The following ZNF226 variants were observed in gnomAD, a reference collection of about 807,000 sequenced individuals.
ZNF226 encodes zinc finger protein 226, also known as Kruppel-associated box protein.
ZNF226 carries 6 observed loss-of-function variants against 11.4 expected under a neutral mutation model. The observed-to-expected ratio is 0.53, with a 90% CI of 0.29 to 1.04. ZNF226 has a LOEUF of 1.04. ZNF226 is among the 50% of genes least tolerant of loss of function. The probability of loss-of-function intolerance (pLI) is 0.08; values close to 1 mark genes in which losing one functional copy is unlikely to be tolerated. For synonymous variants in ZNF226, 350 were observed against 322.8 expected (o/e 1.08, Z -0.90); for missense variants, 1,058 against 956.5 (o/e 1.11, Z -1.40).
chr19:44,198,402 G>T, the ZNF226 span, among the ~76,000 whole-genome samples: 1 of 152,118 alleles, frequency 6.6e-6, no homozygotes, highest in Non-Finnish European at 1.5e-5. Flanking sequence ...TTACAACATT[G>T]AATTGTCCAG....
intron 4 of ZNF226, 64 bp from the exon 5 acceptor site, chr19:44,172,796 A>T: frequency 1.5e-6 from 2 of 1,372,224 alleles, no homozygotes; most frequent in Non-Finnish European, 2.0e-6. Flanking sequence ...GTTGCAACTC[A>T]GATTTCCAGT....
chr19:44,175,124 A>T, intron 5 of ZNF226: 1 of 1,550,178 alleles, frequency 6.5e-7, no homozygotes, highest in Middle Eastern at 2.0e-4. Flanking sequence ...TCCTTGAGTG[A>T]CTATGAATGA....
chr19:44,197,928 C>T, the ZNF226 span, among the ~76,000 whole-genome samples: 1 of 152,030 alleles, frequency 6.6e-6, no homozygotes, highest in Non-Finnish European at 1.5e-5. Flanking sequence ...TAGAGAAGGT[C>T]ACAAAGATAT....
At chr19:44,180,525 G>A (rs1970891574), downstream of ZNF226, among the ~76,000 whole-genome samples, 1 of 152,174 alleles carries the variant, frequency 6.6e-6, no homozygotes, top group Non-Finnish European at 1.5e-5. Flanking sequence ...CCAACTCTCA[G>A]TAGCTTAGTG....
the ZNF226 span, among the ~76,000 whole-genome samples, chr19:44,193,580 T>C: frequency 6.6e-6 from 1 of 152,200 alleles, no homozygotes; most frequent in Non-Finnish European, 1.5e-5. Flanking sequence ...AAATGAGTTG[T>C]TTTAATTAAC....
chr19:44,185,485 T>C, the ZNF226 span, among the ~76,000 whole-genome samples: 7 of 152,218 alleles, frequency 4.6e-5, no homozygotes, highest in Admixed American at 4.6e-4. Context: ...TTGATTTGCA[T>C]TTTCTAAAAG....
chr19:44,179,431 G>A (rs1186638736), downstream of ZNF226, among the ~76,000 whole-genome samples: 2 of 152,030 alleles, frequency 1.3e-5, no homozygotes, highest in African/African-American at 4.8e-5. Context: ...AAGAAATCTT[G>A]TGTCATCATA....
rs777669586 is a variant in ZNF226 at position 44,177,520 on chromosome 19, A to G, written c.2258A>G (p.Lys753Arg). 2 of 1,614,170 alleles carry G rather than the reference A, an allele frequency of 1.2e-6. No homozygotes were observed. The highest frequency in any genetic ancestry group is 2.2e-5 in the South Asian group (2 of 91,086). Residue 753 changes from lysine to arginine, a missense_variant, in exon 6 of 6, where the codon AAA becomes AGA. By Grantham distance (26) the Lys-to-Arg change is conservative (BLOSUM62 2). Coordinates refer to ENST00000337433, the MANE Select transcript of ZNF226 (RefSeq NM_001032373.2). ...QSHQRVHTGE[K>R]PYKCEICGKS... Reference sequence around the variant, plus strand: ...CATCAGCGAGTTCACACTGGGGAGAAACCTTATAAATGTGAGATATGTGGT... The same window carrying G: ...CATCAGCGAGTTCACACTGGGGAGAGACCTTATAAATGTGAGATATGTGGT...
At chr19:44,175,362 A>C in intron 5 of ZNF226, 136 bp from the exon 6 acceptor site, 1 of 1,424,396 alleles carries the variant, frequency 7.0e-7, no homozygotes. Context: ...TGTAAACCAG[A>C]AACTTCAAAT....
the ZNF226 span, among the ~76,000 whole-genome samples, chr19:44,194,658 A>C: frequency 6.6e-6 from 1 of 152,192 alleles, no homozygotes; most frequent in African/African-American, 2.4e-5. Flanking sequence ...AAAAAATGTG[A>C]GTTAACTACT....
At chr19:44,165,850 C>A (rs1969305819) in intron 2 of ZNF226, 43 bp downstream of exon 2, 1 of 152,206 alleles carries the variant, frequency 6.6e-6, no homozygotes, top group Non-Finnish European at 1.5e-5. Context: ...TCACATAAAT[C>A]AGAGAATGTG....
At chr19:44,179,083 G>A (rs548087945), downstream of ZNF226, among the ~76,000 whole-genome samples, 3 of 152,252 alleles carry the variant, frequency 2.0e-5, no homozygotes, top group African/African-American at 7.2e-5. Context: ...GGGGTGTTGA[G>A]GCAGGAGAAT....
At chr19:44,182,157 A>G (rs544393625), downstream of ZNF226, among the ~76,000 whole-genome samples, 4 of 152,272 alleles carry the variant, frequency 2.6e-5, no homozygotes, top group East Asian at 7.7e-4. Flanking sequence ...TGGATGCAAA[A>G]ACGTTAGCCT....
the ZNF226 span, among the ~76,000 whole-genome samples, chr19:44,194,112 C>G: frequency 6.6e-6 from 1 of 152,138 alleles, no homozygotes; most frequent in African/African-American, 2.4e-5. Flanking sequence ...CCAAGTTTTC[C>G]CTGGTTGTGT....
the ZNF226 span, among the ~76,000 whole-genome samples, chr19:44,197,416 T>G: frequency 2.6e-5 from 4 of 152,236 alleles, no homozygotes; most frequent in African/African-American, 7.2e-5. Context: ...TTTAAATTAT[T>G]TTTTAAATTC....
At chr19:44,186,347 C>T in the ZNF226 span, among the ~76,000 whole-genome samples, 2 of 151,826 alleles carry the variant, frequency 1.3e-5, no homozygotes. Context: ...AGGATGAGTT[C>T]CCATTTATTT....
chr19:44,187,879 G>T, the ZNF226 span, among the ~76,000 whole-genome samples: 1 of 151,686 alleles, frequency 6.6e-6, no homozygotes, highest in Non-Finnish European at 1.5e-5. This position sits in a 1 kb window ranked among gnomAD's most constrained non-coding sequence, Gnocchi z 4.0. Context: ...TTTATTTTTT[G>T]GCCCATTGGT....
At chr19:44,168,812 C>T (rs753712200) in intron 2 of ZNF226, among the ~76,000 whole-genome samples, 12 of 152,016 alleles carry the variant, frequency 7.9e-5, no homozygotes, top group Non-Finnish European at 1.3e-4. Context: ...TACTTTGAGA[C>T]TATGTAGCCA....
At chr19:44,198,437 A>G in the ZNF226 span, among the ~76,000 whole-genome samples, 1 of 152,210 alleles carries the variant, frequency 6.6e-6, no homozygotes. Flanking sequence ...CACATATTTT[A>G]AATTTTCATT....
Sources: allele counts gnomAD v4.1 joint callset (sites outside exome capture counted in the v4.1 genomes callset), GRCh38; gene constraint gnomAD v4.1.1; non-coding constraint Gnocchi (gnomAD v3.1); transcripts MANE v1.5; gene names NCBI Gene and HGNC (gene_info 2026-07-23, HGNC 2026-07-21).